Variants in SPIDR observed in about 807,000 individuals in gnomAD.
The protein encoded by SPIDR is scaffold protein involved in DNA repair.
In SPIDR, 93 loss-of-function variants were observed where a neutral mutation model predicts 104.6. That is an observed-to-expected ratio of 0.89 (90% CI 0.75 to 1.06). The LOEUF (loss-of-function observed/expected upper bound fraction) is 1.06. Ranked by LOEUF, SPIDR falls within the 50% of genes least tolerant of loss-of-function variation. The pLI is 0.00. For synonymous variants in SPIDR, 431 were observed against 416.9 expected (o/e 1.03, Z -0.41); for missense variants, 1,154 against 1,111.2 (o/e 1.04, Z -0.55).
chr8:47,433,697 A>G (rs1421932214), intron 7 of SPIDR, among the ~76,000 whole-genome samples: 2 of 152,202 alleles, frequency 1.3e-5, no homozygotes, highest in East Asian at 3.8e-4. Flanking sequence ...CAATCCTAAG[A>G]CCCTGGTCAG....
Position 47,429,809 on chromosome 8 carries a change from A to AT in SPIDR, c.878-10506dup, listed in dbSNP as rs1394286716. Among the ~76,000 whole-genome samples, 43 of 143,798 alleles carry AT rather than the reference A, an allele frequency of 3.0e-4. 1 individual carries two copies. Among genetic ancestry groups the AT allele is most frequent in the African/African-American group, 7.4e-4 (29 of 39,096 alleles). 94.3% of individuals were successfully genotyped at this position (143,798 alleles called of 152,430 possible). A position where few individuals can be genotyped will look rare whatever the true frequency, so the allele number is the denominator to read the frequency against. ...CTGTACTTTTCTGCAGCTTATATAT[A>AT]TTTTTTTTATTTTATTTTATTATTA... is the stretch of plus-strand genomic sequence containing the variant. On this transcript the variant is annotated intron_variant, in intron 7 of 19. Transcript: ENST00000297423.
intron 8 of SPIDR, among the ~76,000 whole-genome samples, chr8:47,518,919 T>G (rs537229121): frequency 3.5e-4 from 53 of 152,120 alleles, no homozygotes; most frequent in East Asian, 3.1e-3. Context: ...ACAGGCGTGA[T>G]CCACCGTGCC....
intron 7 of SPIDR, among the ~76,000 whole-genome samples, chr8:47,415,592 A>G (rs535129984): frequency 7.2e-5 from 11 of 152,230 alleles, no homozygotes; most frequent in African/African-American, 2.6e-4. Flanking sequence ...GGGAATTAGA[A>G]GAGACCGTAG....
chr8:47,573,752 A>G (rs1365507241), intron 8 of SPIDR, among the ~76,000 whole-genome samples: 3 of 152,126 alleles, frequency 2.0e-5, no homozygotes, highest in Non-Finnish European at 4.4e-5. Context: ...GACTCTGCTT[A>G]TTGTAGTGTT....
intron 10 of SPIDR, among the ~76,000 whole-genome samples, chr8:47,601,487 G>T (rs980403163): frequency 1.3e-5 from 2 of 151,988 alleles, no homozygotes; most frequent in Non-Finnish European, 2.9e-5. Context: ...CGAGGTCAGG[G>T]GATCGAGACC....
intron 11 of SPIDR, among the ~76,000 whole-genome samples, chr8:47,699,474 T>A (rs947445981): frequency 1.3e-5 from 2 of 152,214 alleles, no homozygotes; most frequent in African/African-American, 4.8e-5. Context: ...GTCTCGGAAG[T>A]GCAGTCAGAT....
chr8:47,263,470 T>A (rs6472229), intron 1 of SPIDR, among the ~76,000 whole-genome samples: 77,431 of 151,916 alleles, frequency 0.51, 23,765 homozygotes, highest in African/African-American at 0.87. Flanking sequence ...GGCGCCAGCC[T>A]CCACACCGGG....
intron 10 of SPIDR, among the ~76,000 whole-genome samples, chr8:47,641,953 C>T (rs2069097429): frequency 6.6e-6 from 1 of 152,344 alleles, no homozygotes; most frequent in East Asian, 1.9e-4. Context: ...AATGGGGACT[C>T]ACAGTGGCAG....
At chr8:47,709,951 C>T (rs2081615722) in intron 14 of SPIDR, among the ~76,000 whole-genome samples, 1 of 150,556 alleles carries the variant, frequency 6.6e-6, no homozygotes, top group African/African-American at 2.5e-5. Context: ...GATCTCAGCA[C>T]ACTGCAACCT....
At chr8:47,513,643 A>G (rs2082693751) in intron 8 of SPIDR, among the ~76,000 whole-genome samples, 1 of 152,166 alleles carries the variant, frequency 6.6e-6, no homozygotes, top group Non-Finnish European at 1.5e-5. Context: ...GTGCTGACTC[A>G]TAGTATACAG....
At chr8:47,605,205 G>C (rs1476520506) in intron 10 of SPIDR, among the ~76,000 whole-genome samples, 1 of 152,216 alleles carries the variant, frequency 6.6e-6, no homozygotes, top group East Asian at 1.9e-4. Flanking sequence ...GAAGCCAAGA[G>C]GAAACCAGAG....
intron 8 of SPIDR, among the ~76,000 whole-genome samples, chr8:47,500,779 T>A (rs1243131248): frequency 6.6e-6 from 1 of 152,254 alleles, no homozygotes; most frequent in South Asian, 2.1e-4. Context: ...GTTTTAGGTC[T>A]AACATGTAAG....
chr8:47,596,912 G>A (rs1247031408), intron 9 of SPIDR, among the ~76,000 whole-genome samples: 2 of 151,816 alleles, frequency 1.3e-5, no homozygotes, highest in African/African-American at 4.8e-5. Flanking sequence ...TCTTCACAGG[G>A]TCAGGGCCAT....
chr8:47,635,107 C>T (rs886411593), intron 10 of SPIDR, among the ~76,000 whole-genome samples: 4 of 151,912 alleles, frequency 2.6e-5, no homozygotes, highest in Non-Finnish European at 5.9e-5. Context: ...AGGCTGAGTG[C>T]GGTGGCTGAC....
intron 8 of SPIDR, among the ~76,000 whole-genome samples, chr8:47,554,152 T>C (rs181357344): frequency 1.3e-5 from 2 of 152,304 alleles, no homozygotes; most frequent in Admixed American, 1.3e-4. Flanking sequence ...GAGGTTTCAG[T>C]CTGCCCCTAC....
chr8:47,709,833 C>T (rs1426528157), intron 14 of SPIDR, among the ~76,000 whole-genome samples: 2 of 151,960 alleles, frequency 1.3e-5, no homozygotes, highest in Non-Finnish European at 2.9e-5. Flanking sequence ...TTTTCAGAAC[C>T]TCCAACCTCA....
intron 5 of SPIDR, among the ~76,000 whole-genome samples, chr8:47,346,588 G>A (rs1411712949): frequency 3.9e-5 from 6 of 152,124 alleles, no homozygotes; most frequent in South Asian, 2.1e-4. Context: ...TTGTGAATCT[G>A]TCTGGTCCTG....
chr8:47,341,165 A>G (rs2050691952), intron 5 of SPIDR, among the ~76,000 whole-genome samples: 1 of 152,214 alleles, frequency 6.6e-6, no homozygotes, highest in Non-Finnish European at 1.5e-5. Flanking sequence ...TAATGTCAGA[A>G]TTGAATTGCA....
intron 6 of SPIDR, among the ~76,000 whole-genome samples, chr8:47,407,582 G>C (rs568863856): frequency 6.6e-6 from 1 of 152,238 alleles, no homozygotes; most frequent in South Asian, 2.1e-4. Flanking sequence ...AGAAAAATAG[G>C]TAAGCTGATA....
Sources: allele counts gnomAD v4.1 joint callset (sites outside exome capture counted in the v4.1 genomes callset), GRCh38; gene constraint gnomAD v4.1.1; transcripts MANE v1.5; gene names NCBI Gene and HGNC (gene_info 2026-07-23, HGNC 2026-07-21).